Variants in KHNYN observed in about 807,000 individuals in gnomAD.
The protein encoded by KHNYN is KH and NYN domain containing.
KHNYN carries 42 observed loss-of-function variants against 62.7 expected under a neutral mutation model. The observed-to-expected ratio is 0.67, with a 90% CI of 0.52 to 0.87. The LOEUF (loss-of-function observed/expected upper bound fraction) is 0.87. Among genes scored for constraint, KHNYN ranks in the 40% least tolerant of loss-of-function variants. The pLI, the probability that KHNYN is intolerant of heterozygous loss-of-function variation, is 0.00. For missense variants in KHNYN, 829 were observed against 874.1 expected (o/e 0.95, Z 0.65); for synonymous variants, 347 against 345.6 (o/e 1.00, Z -0.04).
chr14:24,427,787 C>T (rs781464415), upstream of KHNYN: 11 of 1,613,764 alleles, frequency 6.8e-6, no homozygotes, highest in African/African-American at 1.3e-4. This position sits in a 1 kb window ranked among gnomAD's most constrained non-coding sequence, Gnocchi z 4.4. Context: ...AGACTTGGGT[C>T]CTCAGAGAGG....
At chr14:24,428,495 T>C, upstream of KHNYN, 2 of 1,478,428 alleles carry the variant, frequency 1.4e-6, no homozygotes. Context: ...CAGTGAGTAA[T>C]GAATAGAAGG....
chr14:24,434,328 A>T, intron 5 of KHNYN: 1 of 985,378 alleles, frequency 1.0e-6, no homozygotes, highest in African/African-American at 1.7e-5. Flanking sequence ...GCTGAACAAC[A>T]TACTGTGTAA....
chr14:24,429,590 C>G (rs900897041), upstream of KHNYN: 1 of 776,864 alleles, frequency 1.3e-6, no homozygotes, highest in African/African-American at 1.9e-5. Context: ...CCCTCCGCCT[C>G]CCGCCTCCCG....
chr14:24,428,410 G>A (rs377112148), upstream of KHNYN: 10 of 1,613,616 alleles, frequency 6.2e-6, no homozygotes, highest in African/African-American at 5.3e-5. Flanking sequence ...CAGGACCTGG[G>A]GGAAGCAGAG....
upstream of KHNYN, chr14:24,428,839 C>T (rs766436191): frequency 1.9e-6 from 3 of 1,612,732 alleles, no homozygotes; most frequent in Non-Finnish European, 2.5e-6. Flanking sequence ...CAGCAAATGC[C>T]ACTCGCCCAG....
chr14:24,431,934 A>G lies in KHNYN; in HGVS notation c.673A>G (p.Arg225Gly). ...ALLGAQCQGV[R>G]APPSDGRESL... ...GCTGGGTGCTCAGTGCCAAGGAGTG[A>G]GAGCTCCCCCTAGTGACGGCAGGGA... is the stretch of plus-strand genomic sequence containing the variant. Residue 225 changes from arginine (R) to glycine (G), a missense_variant, in exon 3 of 8, where the codon AGA becomes GGA. By Grantham distance (125) the Arg-to-Gly change is moderately radical (BLOSUM62 -2). Transcript: ENST00000553935. 6.2e-7 allele frequency: 1 copy of G among 1,613,750 alleles called. No individual in the cohort carries two copies.
chr14:24,427,838 C>T, upstream of KHNYN: 1 of 1,614,118 alleles, frequency 6.2e-7, no homozygotes, highest in Non-Finnish European at 8.5e-7. This position sits in a 1 kb window ranked among gnomAD's most constrained non-coding sequence, Gnocchi z 4.4. Flanking sequence ...TTTCCAACCA[C>T]CCAGTAGATT....
In KHNYN at chr14:24,437,252, ACTGT is replaced by A; in HGVS notation, c.2008_2011del (p.Ser670ArgfsTer31). The A allele has an allele frequency of 6.2e-7, 1 of 1,613,948 alleles. No homozygotes were observed. Among genetic ancestry groups the A allele is most frequent in the Non-Finnish European group, 8.5e-7 (1 of 1,179,938 alleles). ...AGCCATACTGCCGGGACATCAACCAACTGTCTGAGGCCCTGCTCAGTCTTAACTT... is the reference window on the plus strand; with the variant it reads ...AGCCATACTGCCGGGACATCAACCAACTGAGGCCCTGCTCAGTCTTAACTT... On this transcript the variant is annotated frameshift_variant, in exon 8 of 8. Transcript: ENST00000553935. LOFTEE classifies it high-confidence loss of function. This position sits in a 1 kb window ranked among gnomAD's most constrained non-coding sequence, Gnocchi z 5.5.
Position 24,438,978 on chromosome 14 carries a change from G to A in KHNYN, c.*1693G>A, listed in dbSNP as rs10083368. On this transcript the variant is annotated 3_prime_UTR_variant, in exon 8 of 8. Transcript: ENST00000553935. ...TTCCTTTTTGGTGATTTACACCACT[G>A]TACCATACTGACCCAGGCTGGGGGC... 0.14 allele frequency: 20,712 copies of A among 152,004 alleles called. 2,822 individuals are homozygous for A. Among genetic ancestry groups the A allele is most frequent in the African/African-American group, 0.35 (14,401 of 41,332 alleles). The allele number at this position is 152,004 out of a possible 1,614,324, so 9.4% of individuals were successfully genotyped here.
chr14:24,434,444 C>T lies in KHNYN; in HGVS notation c.1577+1412C>T, dbSNP rs56126054. 6,323 of 891,348 alleles carry T rather than the reference C, an allele frequency of 7.1e-3. 328 individuals are homozygous for T. In the African/African-American group the frequency reaches 0.11, roughly 15 times the overall value. 55.2% of individuals were successfully genotyped at this position (891,348 alleles called of 1,614,324 possible). ...TTTTTGAGACGGAGCCTTGCTCTGT[C>T]GCCACGCTGGAGTGCAGTGGCACGA... On this transcript the variant is annotated intron_variant, in intron 5 of 7. Transcript: ENST00000553935.
At chr14:24,428,636 T>C, upstream of KHNYN, 1 of 1,254,610 alleles carries the variant, frequency 8.0e-7, no homozygotes, top group South Asian at 1.4e-5. Flanking sequence ...GCCAGATTAG[T>C]GAAAGATGTA....
rs564358896 is a variant in KHNYN at position 24,430,956 on chromosome 14, C to T, written c.201+25C>T. The T allele has an allele frequency of 1.1e-5, 17 of 1,594,126 alleles. No homozygotes were observed. In the African/African-American group the frequency reaches 1.1e-4, roughly 10 times the overall value. On this transcript the variant is annotated intron_variant, in intron 2 of 7. Transcript: ENST00000553935. ...GGTGAACGCCTTCTCTCCCCCATCC[C>T]TCCAGGCACCAAGGACGCTTTCCCC...
rs747449523 is a variant in KHNYN, at chr14:24,437,104, G to A, written c.1856G>A (p.Gly619Glu). The change falls in exon 8 of 8, where the codon GGG becomes GAG. Residue 619 changes from glycine to glutamate, a missense_variant. Gly to Glu is a moderately conservative substitution (Grantham distance 98, BLOSUM62 -2). This residue lies in a region of KHNYN where 270 missense variants were observed against 347.1 expected (regional missense o/e 0.78). Transcript: ENST00000553935. The surrounding 1 kb of genome is among the most constrained non-coding windows in gnomAD (Gnocchi z 5.5). ...GFAEHGKQQQ[G>E]REEEKGSGGI... Reference sequence around the variant, plus strand: ...GCAGAACATGGTAAACAGCAGCAGGGGAGAGAAGAGGAAAAAGGTAGTGGT... The same window carrying A: ...GCAGAACATGGTAAACAGCAGCAGGAGAGAGAAGAGGAAAAAGGTAGTGGT... The A allele has an allele frequency of 5.6e-6, 9 of 1,614,058 alleles. No individual in the cohort carries two copies. In the Admixed American group the frequency reaches 6.7e-5, roughly 12 times the overall value.
intron 5 of KHNYN, chr14:24,434,106 C>T (rs965099677): frequency 2.0e-6 from 2 of 979,446 alleles, no homozygotes; most frequent in Admixed American, 1.2e-4. Context: ...CTAGATGTCA[C>T]AGATTACCCA....
At chr14:24,435,968 T>C in intron 5 of KHNYN, 104 bp from the exon 6 acceptor site, 1 of 829,728 alleles carries the variant, frequency 1.2e-6, no homozygotes, top group South Asian at 1.4e-5. Flanking sequence ...TATTGCATAG[T>C]GGTGAAGTCT....
At chr14:24,429,569 C>T (rs2043066226), upstream of KHNYN, 1 of 534,254 alleles carries the variant, frequency 1.9e-6, no homozygotes, top group Non-Finnish European at 3.0e-6. Context: ...AGGGGTACTC[C>T]ACCACGGGTA....
upstream of KHNYN, chr14:24,429,448 T>A (rs771084772): frequency 2.0e-6 from 1 of 502,928 alleles, no homozygotes; most frequent in South Asian, 1.5e-5. Context: ...TGTGAGTGTG[T>A]GCATATGCCA....
chr14:24,436,335 G>C, intron 6 of KHNYN, 53 bp from the exon 7 acceptor site: 1 of 1,524,880 alleles, frequency 6.6e-7, no homozygotes, highest in South Asian at 1.1e-5. Flanking sequence ...TCGGTTGTCT[G>C]GGAGGTGGGC....
chr14:24,432,611 G>A lies in KHNYN; in HGVS notation c.1349+1G>A, dbSNP rs1362832717. 3 of 1,607,232 alleles carry A rather than the reference G, an allele frequency of 1.9e-6. No homozygotes were observed. Among genetic ancestry groups the A allele is most frequent in the Non-Finnish European group, 2.6e-6 (3 of 1,175,026 alleles). Reference sequence around the variant, plus strand: ...TTGACGGCAGCAACGTGGCCATGGTGTGAGTACCTGGTGGGGCTAAGGGCC... The same window carrying A: ...TTGACGGCAGCAACGTGGCCATGGTATGAGTACCTGGTGGGGCTAAGGGCC... On this transcript the variant is annotated splice_donor_variant, in intron 3 of 7. Transcript: ENST00000553935. LOFTEE classifies it high-confidence loss of function. The surrounding 1 kb of genome is among the most constrained non-coding windows in gnomAD (Gnocchi z 5.6).
Sources: gnomAD v4.1 joint callset for allele counts on GRCh38, gnomAD v4.1.1 for gene constraint, gnomAD v4.1.1 regional missense constraint, Gnocchi (gnomAD v3.1) non-coding constraint, MANE v1.5 for transcripts, NCBI Gene and HGNC (gene_info 2026-07-23, HGNC 2026-07-21) for gene names.